Variants in ATP8B4 observed in about 807,000 individuals in gnomAD.
ATP8B4 encodes the protein ATPase phospholipid transporting 8B4 (putative), also known as probable phospholipid-transporting ATPase IM.
ATP8B4 carries 133 observed loss-of-function variants against 145.6 expected under a neutral mutation model. The observed-to-expected ratio is 0.91, with a 90% CI of 0.79 to 1.05. The LOEUF is 1.05. ATP8B4 is among the 50% of genes least tolerant of loss of function. The pLI is 0.00. For synonymous variants in ATP8B4, 507 were observed against 492.9 expected, an observed-to-expected ratio of 1.03 and a Z score of -0.38; for missense variants, 1,458 against 1,425.2, an observed-to-expected ratio of 1.02 and a Z score of -0.37.
At chr15:50,150,627 G>C (rs966615642) in intron 1 of ATP8B4, among the ~76,000 whole-genome samples, 3 of 152,216 alleles carry the variant, frequency 2.0e-5, no homozygotes, top group Non-Finnish European at 4.4e-5. Flanking sequence ...TCTCAGGCTA[G>C]CCTACCTGGA....
At chr15:50,103,818 C>T (rs936805545) in intron 2 of ATP8B4, among the ~76,000 whole-genome samples, 1 of 152,080 alleles carries the variant, frequency 6.6e-6, no homozygotes, top group Non-Finnish European at 1.5e-5. Flanking sequence ...ATTACATTAC[C>T]CGACTTCAAA....
intron 6 of ATP8B4, among the ~76,000 whole-genome samples, chr15:50,031,908 T>C (rs913567569): frequency 4.6e-5 from 7 of 152,264 alleles, no homozygotes; most frequent in African/African-American, 1.7e-4. Context: ...TACTACTTTA[T>C]ATACTTCACT....
At chr15:49,929,393 A>C (rs1036359274) in intron 16 of ATP8B4, among the ~76,000 whole-genome samples, 5 of 152,154 alleles carry the variant, frequency 3.3e-5, no homozygotes, top group Non-Finnish European at 7.4e-5. Context: ...ACAATGAGAG[A>C]GGTAACTGTG....
At chr15:49,982,843 C>G (rs1274027475) in intron 10 of ATP8B4, among the ~76,000 whole-genome samples, 1 of 152,200 alleles carries the variant, frequency 6.6e-6, no homozygotes, top group Non-Finnish European at 1.5e-5. Context: ...AACGCCAAAA[C>G]AGATCTGGTG....
intron 2 of ATP8B4, among the ~76,000 whole-genome samples, chr15:50,103,984 G>C (rs1404136057): frequency 3.9e-5 from 6 of 152,102 alleles, no homozygotes; most frequent in African/African-American, 1.2e-4. Flanking sequence ...ATGGGGGAAA[G>C]GATACCCAAT....
chr15:49,946,173 T>A (rs2042549124), intron 14 of ATP8B4, among the ~76,000 whole-genome samples: 1 of 152,068 alleles, frequency 6.6e-6, no homozygotes, highest in African/African-American at 2.4e-5. Flanking sequence ...AAAAGTAAAG[T>A]TGCAGTACAA....
chr15:49,998,927 G>A (rs1205798860), intron 8 of ATP8B4, among the ~76,000 whole-genome samples: 1 of 131,322 alleles, frequency 7.6e-6, no homozygotes, highest in African/African-American at 2.8e-5. Context: ...TAAGGTGTAA[G>A]GAAGGGATCC....
At chr15:49,876,670 T>C (rs1438446985) in intron 24 of ATP8B4, 147 bp from the exon 25 acceptor site, 1 of 1,104,550 alleles carries the variant, frequency 9.1e-7, no homozygotes. Flanking sequence ...TTATCTTGTT[T>C]GTATTCCCAC....
chr15:49,904,131 G>T (rs1453176386), intron 20 of ATP8B4, among the ~76,000 whole-genome samples: 1 of 152,112 alleles, frequency 6.6e-6, no homozygotes, highest in African/African-American at 2.4e-5. Flanking sequence ...CATATTCACA[G>T]TTCTTGGTCT....
chr15:50,060,117 C>CTAGGAAACTGTTTCATGA (rs2052902730), intron 3 of ATP8B4, among the ~76,000 whole-genome samples: 1 of 152,110 alleles, frequency 6.6e-6, no homozygotes, highest in Non-Finnish European at 1.5e-5. Flanking sequence ...CCCACAGCGT[C>CTAGGAAACTGTTTCATGA]CCCTGGGTTT....
At chr15:50,142,791 G>A (rs1210778515) in intron 1 of ATP8B4, among the ~76,000 whole-genome samples, 1 of 152,154 alleles carries the variant, frequency 6.6e-6, no homozygotes, top group Non-Finnish European at 1.5e-5. Context: ...ATACCCCCAT[G>A]CAATCCTCCA....
chr15:49,883,063 G>A (rs2035670602), intron 23 of ATP8B4: 2 of 152,120 alleles, frequency 1.3e-5, no homozygotes, highest in South Asian at 4.1e-4. Flanking sequence ...ATCTCTGGGA[G>A]AAGGATCTAA....
chr15:50,128,830 T>G (rs1490854671), intron 1 of ATP8B4, among the ~76,000 whole-genome samples: 1 of 152,076 alleles, frequency 6.6e-6, no homozygotes, highest in African/African-American at 2.4e-5. Context: ...GAGGCCAAGG[T>G]GGGCGGAGTT....
At chr15:50,008,757 C>T (rs559669242) in intron 7 of ATP8B4, among the ~76,000 whole-genome samples, 1 of 152,206 alleles carries the variant, frequency 6.6e-6, no homozygotes, top group African/African-American at 2.4e-5. Flanking sequence ...CTTTTCTGGA[C>T]CCACTCCTAA....
chr15:49,887,506 T>C (rs905056505), intron 23 of ATP8B4, among the ~76,000 whole-genome samples: 2 of 152,076 alleles, frequency 1.3e-5, no homozygotes, highest in Non-Finnish European at 2.9e-5. Context: ...AAAACCATTT[T>C]CCCTAGGGCA....
chr15:50,066,120 A>T (rs2053366696), intron 3 of ATP8B4, among the ~76,000 whole-genome samples: 1 of 152,098 alleles, frequency 6.6e-6, no homozygotes, highest in African/African-American at 2.4e-5. Flanking sequence ...AAGATAAAAA[A>T]TATTTATGTT....
chr15:49,897,961 A>T, intron 22 of ATP8B4, 107 bp downstream of exon 22: 1 of 1,242,720 alleles, frequency 8.0e-7, no homozygotes, highest in Non-Finnish European at 1.1e-6. Flanking sequence ...TTTTAGAATC[A>T]CTGGCAAAAT....
chr15:49,933,839 T>G (rs1322769803), intron 15 of ATP8B4, among the ~76,000 whole-genome samples, 178 bp downstream of exon 15: 1 of 152,092 alleles, frequency 6.6e-6, no homozygotes, highest in Non-Finnish European at 1.5e-5. Flanking sequence ...TAAACTATGT[T>G]CTATCTTTAA....
chr15:49,891,510 G>C (rs569486929), intron 23 of ATP8B4, among the ~76,000 whole-genome samples: 1 of 152,160 alleles, frequency 6.6e-6, no homozygotes, highest in East Asian at 1.9e-4. Flanking sequence ...ATTTTTAGTA[G>C]AGACGAAGTT....
Sources: allele counts gnomAD v4.1 joint callset (sites outside exome capture counted in the v4.1 genomes callset), GRCh38; gene constraint gnomAD v4.1.1; transcripts MANE v1.5; gene names NCBI Gene and HGNC (gene_info 2026-07-23, HGNC 2026-07-21).